The following RIPOR1 variants were observed in gnomAD, a reference collection of about 807,000 sequenced individuals.
RIPOR1 encodes the protein RHO family interacting cell polarization regulator 1, also known as rho family-interacting cell polarization regulator 1.
In RIPOR1, 58 loss-of-function variants were observed where a neutral mutation model predicts 116.5. That is an observed-to-expected ratio of 0.50 (90% CI 0.40 to 0.62). RIPOR1 has a LOEUF of 0.62. Ranked by LOEUF, RIPOR1 falls within the 20% of genes least tolerant of loss-of-function variation. The pLI is 0.00. For synonymous variants in RIPOR1, 605 were observed against 650.0 expected (o/e 0.93, Z 1.05); for missense variants, 1,372 against 1,586.2 (o/e 0.86, Z 2.29).
chr16:67,531,575 G>A lies in RIPOR1; in HGVS notation c.-24+2661G>A. 2.2e-6 allele frequency: 1 copy of A among 453,740 alleles called. No homozygotes were observed. The highest frequency in any genetic ancestry group is 3.3e-4 in the Middle Eastern group (1 of 3,006). The allele number at this position is 453,740 out of a possible 1,614,324, so 28.1% of individuals were successfully genotyped here. ...GAGAGGGACTTGGGGCTGAGTAGTG[G>A]GAAGAAGGAATAGGAGCGATGGGGG... On this transcript the variant is annotated intron_variant, in intron 1 of 21. Transcript: ENST00000042381. The surrounding 1 kb of genome is among the most constrained non-coding windows in gnomAD (Gnocchi z 4.2).
At position 67,538,511 on chromosome 16, in the gene RIPOR1, C is replaced by G; in HGVS notation, c.65C>G (p.Ser22Cys). 1 of 1,612,140 alleles carries G rather than the reference C, an allele frequency of 6.2e-7. No homozygotes were observed. Among genetic ancestry groups the G allele is most frequent in the Non-Finnish European group, 8.5e-7 (1 of 1,179,422 alleles). Reference protein sequence around the residue: ...LLSARVNRSQSFAGVLGSHER... With the variant: ...LLSARVNRSQCFAGVLGSHER... ...AGCGCCCGGGTCAATAGGAGCCAGT[C>G]CTTCGCAGGCGTCCTCGGCAGCCAC... Residue 22 changes from serine to cysteine, a missense_variant, in exon 2 of 22, where the codon TCC (serine) becomes TGC (cysteine). Ser to Cys is a moderately radical substitution (Grantham distance 112, BLOSUM62 -1). This residue lies in a region of RIPOR1 where 165 missense variants were observed against 145.5 expected (regional missense o/e 1.13). Transcript: ENST00000042381.
At chr16:67,536,499 G>A (rs766791555) in intron 1 of RIPOR1, among the ~76,000 whole-genome samples, 11 of 152,152 alleles carry the variant, frequency 7.2e-5, no homozygotes, top group Non-Finnish European at 1.3e-4. Flanking sequence ...AGGCCCATGT[G>A]AGCTGGGGGC....
Position 67,541,800 on chromosome 16 carries a change from T to G in RIPOR1, c.1080+18T>G, listed in dbSNP as rs777011284. The G allele has an allele frequency of 6.2e-7, 1 of 1,613,918 alleles. No individual in the cohort carries two copies. Among genetic ancestry groups the G allele is most frequent in the Non-Finnish European group, 8.5e-7 (1 of 1,179,932 alleles). On this transcript the variant is annotated intron_variant, in intron 12 of 21. Transcript: ENST00000042381. This position sits in a 1 kb window ranked among gnomAD's most constrained non-coding sequence, Gnocchi z 4.6. ...CTTTCTATGTGAGTCATAGCCCAGGTCCAGGCCTCACCATCCCCCAGAGGC... is the reference window on the plus strand; with the variant it reads ...CTTTCTATGTGAGTCATAGCCCAGGGCCAGGCCTCACCATCCCCCAGAGGC...
Position 67,544,959 on chromosome 16 carries a change from T to C in RIPOR1, c.2873T>C (p.Val958Ala). The C allele has an allele frequency of 6.2e-7, 1 of 1,612,240 alleles. No homozygotes were observed. The highest frequency in any genetic ancestry group is 8.5e-7 in the Non-Finnish European group (1 of 1,179,982). ...GGTTTCCCTCACCCCCTCACAGTGG[T>C]GCAGTTCTCGGCCTCTCGGCCTGGC... ...EIPASSAQEV[V>A]QFSASRPGFL... Residue 958 changes from valine (V) to alanine (A), a missense_variant, in exon 17 of 22, where the codon GTG becomes GCG. This residue lies in a region of RIPOR1 where 1,005 missense variants were observed against 1,144.7 expected (regional missense o/e 0.88). Transcript: ENST00000042381. This position sits in a 1 kb window ranked among gnomAD's most constrained non-coding sequence, Gnocchi z 5.1.
chr16:67,546,516 C>T lies in RIPOR1; in HGVS notation c.*53C>T. 2 of 1,476,240 alleles carry T rather than the reference C, an allele frequency of 1.4e-6. No individual in the cohort carries two copies. Among genetic ancestry groups the T allele is most frequent in the Non-Finnish European group, 1.9e-6 (2 of 1,058,416 alleles). The allele number at this position is 1,476,240 out of a possible 1,614,324, so 91.4% of individuals were successfully genotyped here. A position where few individuals can be genotyped will look rare whatever the true frequency, so the allele number is the denominator to read the frequency against. On this transcript the variant is annotated 3_prime_UTR_variant, in exon 22 of 22. Coordinates refer to ENST00000042381, the MANE Select transcript of RIPOR1 (RefSeq NM_024519.4). ...CCTTTCCCCCCACTTTCAGGGCTCACCAGGCACTGGCAGGGAGGGTAAGGG... is the reference window on the plus strand; with the variant it reads ...CCTTTCCCCCCACTTTCAGGGCTCATCAGGCACTGGCAGGGAGGGTAAGGG...
At position 67,545,594 on chromosome 16, in the gene RIPOR1, C is replaced by T; in HGVS notation, c.3190+60C>T. Reference sequence around the variant, plus strand: ...TGGGGTCTGAGGACATGAGGACAAGCCCTCCCCAACCTCGGGGGCTCCTCA... The same window carrying T: ...TGGGGTCTGAGGACATGAGGACAAGTCCTCCCCAACCTCGGGGGCTCCTCA... On this transcript the variant is annotated intron_variant, in intron 18 of 21. Transcript: ENST00000042381. The surrounding 1 kb of genome is among the most constrained non-coding windows in gnomAD (Gnocchi z 4.8). 1 of 1,592,720 alleles carries T rather than the reference C, an allele frequency of 6.3e-7. No individual in the cohort carries two copies. Among genetic ancestry groups the T allele is most frequent in the Non-Finnish European group, 8.6e-7 (1 of 1,166,442 alleles).
rs778789938 is a variant in RIPOR1, at chr16:67,542,766, TACCACAAGCCCCACCCATCCC to T, written c.1994_2014del (p.Thr665_Pro671del). The T allele has an allele frequency of 1.2e-5, 20 of 1,612,648 alleles. No homozygotes were observed. The African/African-American group carries it at 1.9e-4, about 15-fold the overall frequency. On this transcript the variant is annotated inframe_deletion, in exon 13 of 22. Transcript: ENST00000042381. The surrounding 1 kb of genome is among the most constrained non-coding windows in gnomAD (Gnocchi z 4.6). ...AGACTGCCACAAGTCCCACCCATCCTACCACAAGCCCCACCCATCCCACCACAAGCCCCATCCTTATAAATG... is the reference window on the plus strand; with the variant it reads ...AGACTGCCACAAGTCCCACCCATCCTACCACAAGCCCCATCCTTATAAATG...
intron 1 of RIPOR1, among the ~76,000 whole-genome samples, chr16:67,521,340 G>A (rs532654379): frequency 2.5e-4 from 38 of 152,302 alleles, no homozygotes; most frequent in African/African-American, 8.4e-4. Flanking sequence ...CCGATGGGAC[G>A]GGGGAATTTC....
chr16:67,527,333 C>T (rs910838411), upstream of RIPOR1, among the ~76,000 whole-genome samples: 6 of 151,578 alleles, frequency 4.0e-5, no homozygotes, highest in African/African-American at 9.7e-5. Context: ...TGCAGTGAGC[C>T]GAGATCACGC....
At chr16:67,522,138 C>CTGCCTCAG (rs558617981) in intron 1 of RIPOR1, among the ~76,000 whole-genome samples, 106 of 150,658 alleles carry the variant, frequency 7.0e-4, no homozygotes, top group Non-Finnish European at 1.2e-3. Flanking sequence ...AGCGATTCTT[C>CTGCCTCAG]TGCCTCAGCC....
At position 67,537,581 on chromosome 16, in the gene RIPOR1, G is replaced by GAAC. The variant is rs1156366670; in HGVS notation, c.-23-841_-23-839dup. 2 of 1,421,200 alleles carry GAAC rather than the reference G, an allele frequency of 1.4e-6. No homozygotes were observed. The highest frequency in any genetic ancestry group is 1.8e-6 in the Non-Finnish European group (2 of 1,086,574). 88.0% of individuals were successfully genotyped at this position (1,421,200 alleles called of 1,614,324 possible). On this transcript the variant is annotated intron_variant, in intron 1 of 21. Coordinates refer to ENST00000042381, the MANE Select transcript of RIPOR1 (RefSeq NM_024519.4). This position sits in a 1 kb window ranked among gnomAD's most constrained non-coding sequence, Gnocchi z 4.6. ...TCGGGGGCCGTCCCGGACCCACCAT[G>GAAC]AACACCAAGAAGAGAGGTAGGACCC...
At position 67,529,254 on chromosome 16, in the gene RIPOR1, C is replaced by G. The variant is rs936436398; in HGVS notation, c.-24+340C>G. The G allele has an allele frequency of 2.0e-5, 3 of 153,062 alleles. No individual in the cohort carries two copies. The highest frequency in any genetic ancestry group is 4.8e-5 in the African/African-American group (2 of 41,470). The allele number at this position is 153,062 out of a possible 1,614,324, so 9.5% of individuals were successfully genotyped here. Reference sequence around the variant, plus strand: ...GCGCCAGCCTGGGCCCTGGCACGCGCGCTCCCTGGGAGCCCTTGCTGCCTT... The same window carrying G: ...GCGCCAGCCTGGGCCCTGGCACGCGGGCTCCCTGGGAGCCCTTGCTGCCTT... On this transcript the variant is annotated intron_variant, in intron 1 of 21. Transcript: ENST00000042381. The surrounding 1 kb of genome is among the most constrained non-coding windows in gnomAD (Gnocchi z 4.1).
rs2051113643 is a variant in RIPOR1 at position 67,544,819 on chromosome 16, C to A, written c.2858C>A (p.Ser953Tyr). The change falls in exon 16 of 22, where the codon TCT (serine) becomes TAT (tyrosine). Residue 953 changes from serine to tyrosine, a missense_variant. Ser to Tyr is a moderately radical substitution (Grantham distance 144). Transcript: ENST00000042381. The surrounding 1 kb of genome is among the most constrained non-coding windows in gnomAD (Gnocchi z 5.1). The part of the protein sequence containing the change: ...FSRRWEIPAS[S>Y]AQEVVQFSAS... ...AGGCGGTGGGAGATCCCGGCCAGCT[C>A]TGCCCAGGAAGGTAAAGGCCCTGGG... 3.8e-6 allele frequency: 6 copies of A among 1,595,408 alleles called. No individual in the cohort carries two copies. Among genetic ancestry groups the A allele is most frequent in the Non-Finnish European group, 5.1e-6 (6 of 1,166,892 alleles).
Position 67,543,309 on chromosome 16 carries a change from AG to A in RIPOR1, c.2479-34del. The A allele has an allele frequency of 1.2e-6, 2 of 1,606,270 alleles. No homozygotes were observed. The highest frequency in any genetic ancestry group is 2.2e-5 in the East Asian group (1 of 44,646). On this transcript the variant is annotated intron_variant, in intron 13 of 21. Transcript: ENST00000042381. The surrounding 1 kb of genome is among the most constrained non-coding windows in gnomAD (Gnocchi z 4.7). ...GCTAGGGCAACCAGGGAGGGCAGCC[AG>A]GGGGCGGCAGCCGCTCTGATGCCCT...
exon 1 of RIPOR1, chr16:67,518,444 G>C (rs555502030): frequency 6.6e-6 from 1 of 152,412 alleles, no homozygotes; most frequent in African/African-American, 2.4e-5. Context: ...TGGCTTCCTG[G>C]GACAGCCCTC....
rs1030842568 is a variant in RIPOR1, at chr16:67,537,863, G to A, written c.-23-561G>A. ...TGGAGGGCGCCGGGACGCCCGGGCC[G>A]GTGGGGGCTGGGGGCAGCAGGTCAC... On this transcript the variant is annotated intron_variant, in intron 1 of 21. Coordinates refer to ENST00000042381, the MANE Select transcript of RIPOR1 (RefSeq NM_024519.4). The surrounding 1 kb of genome is among the most constrained non-coding windows in gnomAD (Gnocchi z 4.6). 6.6e-6 allele frequency among the ~76,000 whole-genome samples: 1 copy of A among 151,856 alleles called. No homozygotes were observed. The highest frequency in any genetic ancestry group is 2.0e-4 in the East Asian group (1 of 5,128).
At chr16:67,519,105 T>C (rs906127640) in intron 1 of RIPOR1, among the ~76,000 whole-genome samples, 1 of 152,128 alleles carries the variant, frequency 6.6e-6, no homozygotes, top group Non-Finnish European at 1.5e-5. Flanking sequence ...GACAACACGA[T>C]GAAACCCGGC....
chr16:67,538,712 C>A lies in RIPOR1; in HGVS notation c.145C>A (p.Pro49Thr), dbSNP rs771239489. The change falls in exon 3 of 22, where the codon CCC becomes ACC. Residue 49 changes from proline (P) to threonine (T), a missense_variant. Pro to Thr is a conservative substitution (Grantham distance 38, BLOSUM62 -1). Transcript: ENST00000042381. ...VFSPPGPPRK[P>T]PALSRVSRMF... ...CAGCCCGCCGGGGCCCCCACGGAAG[C>A]CCCCCGCGCTCTCCCGAGTGTCCAG... 4 of 1,613,164 alleles carry A rather than the reference C, an allele frequency of 2.5e-6. No individual in the cohort carries two copies. Among genetic ancestry groups the A allele is most frequent in the Non-Finnish European group, 3.4e-6 (4 of 1,179,906 alleles).
chr16:67,543,744 C>T lies in RIPOR1; in HGVS notation c.2600+275C>T, dbSNP rs2051077208. The T allele has an allele frequency of 3.9e-6, 2 of 508,092 alleles. No individual in the cohort carries two copies. Among genetic ancestry groups the T allele is most frequent in the African/African-American group, 1.9e-5 (1 of 51,746 alleles). The allele number at this position is 508,092 out of a possible 1,614,324, so 31.5% of individuals were successfully genotyped here. On this transcript the variant is annotated intron_variant, in intron 14 of 21. Transcript: ENST00000042381. This position sits in a 1 kb window ranked among gnomAD's most constrained non-coding sequence, Gnocchi z 4.7. ...CAATGTCTGCCTCCCCTGCCGGTCC[C>T]CATCAGCTTGGGTGCCTCCAGCCCC...
Sources: allele counts gnomAD v4.1 joint callset (sites outside exome capture counted in the v4.1 genomes callset), GRCh38; gene constraint gnomAD v4.1.1; regional missense constraint gnomAD v4.1.1; non-coding constraint Gnocchi (gnomAD v3.1); transcripts MANE v1.5; gene names NCBI Gene and HGNC (gene_info 2026-07-23, HGNC 2026-07-21).